Variants in CFAP91 observed in about 807,000 individuals in gnomAD.
CFAP91 encodes the protein cilia and flagella associated protein 91, also known as cilia- and flagella-associated protein 91.
CFAP91 carries 85 observed loss-of-function variants against 95.9 expected under a neutral mutation model. The observed-to-expected ratio is 0.89, with a 90% CI of 0.74 to 1.06. The LOEUF is 1.06. Among genes scored for constraint, CFAP91 ranks in the 50% least tolerant of loss-of-function variants. The pLI is 0.00. For synonymous variants in CFAP91, 335 were observed against 327.5 expected, an observed-to-expected ratio of 1.02 and a Z score of -0.25; for missense variants, 962 against 943.4, an observed-to-expected ratio of 1.02 and a Z score of -0.26.
chr3:119,742,522 C>T (rs1400130020), intron 13 of CFAP91, among the ~76,000 whole-genome samples: 1 of 152,206 alleles, frequency 6.6e-6, no homozygotes, highest in Non-Finnish European at 1.5e-5. Context: ...TAAACATGAA[C>T]AGGATTTCTA....
intron 17 of CFAP91, among the ~76,000 whole-genome samples, chr3:119,758,277 A>AT (rs2054471860): frequency 6.6e-6 from 1 of 152,156 alleles, no homozygotes; most frequent in Non-Finnish European, 1.5e-5. Context: ...ACTTGGTAAT[A>AT]TTTTTTAATG....
Position 119,703,146 on chromosome 3 carries a change from G to A in CFAP91, c.48G>A (p.Val16=), listed in dbSNP as rs2053287401. ...AGGAGCCCCAGGCCCAGCCGCAGGT[G>A]TCTCAAACTCGGTACCGGGAGAGGT... is the stretch of plus-strand genomic sequence containing the variant. ...TIEEPQAQPQ[V]SQTRYRERSR... is the part of the protein sequence containing the mutation. The change falls in exon 1 of 18, where the codon GTG becomes GTA. Residue 16 remains valine (V), a synonymous_variant. Coordinates refer to ENST00000273390, the MANE Select transcript of CFAP91 (RefSeq NM_033364.4). 10 of 1,593,760 alleles carry A rather than the reference G, an allele frequency of 6.3e-6. No homozygotes were observed. In the East Asian group the frequency reaches 2.3e-4, roughly 36 times the overall value.
intron 10 of CFAP91, among the ~76,000 whole-genome samples, chr3:119,734,704 A>G (rs2053967473): frequency 6.6e-6 from 1 of 152,172 alleles, no homozygotes. Flanking sequence ...TTTTGCTTCT[A>G]CATTCATGAG....
intron 3 of CFAP91, among the ~76,000 whole-genome samples, chr3:119,707,808 G>T (rs75921832): frequency 6.6e-6 from 1 of 150,490 alleles, no homozygotes; most frequent in African/African-American, 2.4e-5. Flanking sequence ...TGAGTTTGTT[G>T]TTGCTTGGAT....
chr3:119,708,881 G>A (rs1365502274), intron 4 of CFAP91, among the ~76,000 whole-genome samples: 2 of 152,176 alleles, frequency 1.3e-5, no homozygotes, highest in African/African-American at 2.4e-5. Flanking sequence ...AGCTGAGACC[G>A]AGAGATGATA....
At chr3:119,751,219 TC>T in intron 17 of CFAP91, 121 bp downstream of exon 17, 1 of 1,112,672 alleles carries the variant, frequency 9.0e-7, no homozygotes, top group Non-Finnish European at 1.2e-6. Context: ...ATGGAGGACT[TC>T]CACTTAAATT....
At chr3:119,710,240 T>G (rs1577197788) in intron 5 of CFAP91, 1 of 181,722 alleles carries the variant, frequency 5.5e-6, no homozygotes, top group Non-Finnish European at 1.1e-5. Context: ...ATTAACAGAT[T>G]GGGTGATATA....
chr3:119,743,791 G>A (rs552520509), intron 13 of CFAP91, among the ~76,000 whole-genome samples, 184 bp from the exon 14 acceptor site: 3 of 152,288 alleles, frequency 2.0e-5, no homozygotes, highest in South Asian at 4.1e-4. Context: ...CGACTTTCTC[G>A]TGCCTCAGTT....
intron 9 of CFAP91, among the ~76,000 whole-genome samples, 154 bp downstream of exon 9, chr3:119,732,630 C>T (rs2053924889): frequency 1.3e-5 from 2 of 151,878 alleles, no homozygotes; most frequent in Admixed American, 1.3e-4. Flanking sequence ...CTACTAAGAC[C>T]CAAATAAATA....
chr3:119,760,271 A>G (rs1420685780), intron 17 of CFAP91, among the ~76,000 whole-genome samples: 1 of 151,922 alleles, frequency 6.6e-6, no homozygotes, highest in Non-Finnish European at 1.5e-5. Context: ...TAAGTAAAAA[A>G]CTATAAAATG....
intron 17 of CFAP91, among the ~76,000 whole-genome samples, chr3:119,763,185 G>C (rs2054569691): frequency 6.6e-6 from 1 of 151,808 alleles, no homozygotes; most frequent in African/African-American, 2.4e-5. Flanking sequence ...CTCAAAAGAA[G>C]ACACATACAA....
chr3:119,728,800 A>G (rs2053836065), intron 7 of CFAP91, among the ~76,000 whole-genome samples: 1 of 152,064 alleles, frequency 6.6e-6, no homozygotes, highest in Admixed American at 6.6e-5. Flanking sequence ...CAGCTCCTCT[A>G]AGGAAGGCTT....
At chr3:119,726,115 T>C in intron 6 of CFAP91, 56 bp from the exon 7 acceptor site, 1 of 1,462,628 alleles carries the variant, frequency 6.8e-7, no homozygotes, top group Admixed American at 2.2e-5. Flanking sequence ...AATTATATAC[T>C]GGGGGGTGCA....
At chr3:119,754,872 T>C (rs9289134) in intron 17 of CFAP91, among the ~76,000 whole-genome samples, 54,070 of 152,090 alleles carry the variant, frequency 0.36, 12,658 homozygotes, top group African/African-American at 0.67. Flanking sequence ...GGGAATGATG[T>C]TGCCACCCCA....
rs919264195 is a variant in CFAP91, at chr3:119,766,065, C to T, written c.*1015C>T. The T allele has an allele frequency of 6.6e-6, 1 of 152,084 alleles. No homozygotes were observed. The highest frequency in any genetic ancestry group is 1.5e-5 in the Non-Finnish European group (1 of 68,006). The allele number at this position is 152,084 out of a possible 1,614,324, so 9.4% of individuals were successfully genotyped here. A position where few individuals can be genotyped will look rare whatever the true frequency, so the allele number is the denominator to read the frequency against. On this transcript the variant is annotated 3_prime_UTR_variant, in exon 18 of 18. Transcript: ENST00000273390. ...GGAAAAATATAAAAAGATTTAAAATCCAGCAACAAAATTTACACATTCATT... is the reference window on the plus strand; with the variant it reads ...GGAAAAATATAAAAAGATTTAAAATTCAGCAACAAAATTTACACATTCATT...
intron 6 of CFAP91, among the ~76,000 whole-genome samples, chr3:119,722,687 G>T (rs1266599564): frequency 6.6e-6 from 1 of 151,980 alleles, no homozygotes. Context: ...TGGAGATGGG[G>T]TTTCATTATG....
chr3:119,707,564 A>T lies in CFAP91; in HGVS notation c.359+3A>T. The T allele has an allele frequency of 6.4e-7, 1 of 1,559,456 alleles. No homozygotes were observed. ...GAAGCCCTCCGGCAGCTCACCACGT[A>T]AGTGTCGGGTGGCTCCAGGGCCTAA... On this transcript the variant is annotated splice_donor_region_variant and intron_variant, in intron 3 of 17. Transcript: ENST00000273390.
Position 119,725,322 on chromosome 3 carries a change from C to T in CFAP91, c.683-849C>T, listed in dbSNP as rs1344064674. Among the ~76,000 whole-genome samples the T allele has an allele frequency of 2.0e-5, 3 of 152,232 alleles. No homozygotes were observed. The East Asian group carries it at 5.8e-4, about 29-fold the overall frequency. ...CATATCCAGTGGCCACATCCTCCTG[C>T]CTGACCTACAGGTATTGTGTCTTTG... On this transcript the variant is annotated intron_variant, in intron 6 of 17. Transcript: ENST00000273390.
intron 6 of CFAP91, 45 bp from the exon 7 acceptor site, chr3:119,726,126 T>G (rs756942400): frequency 6.5e-7 from 1 of 1,532,276 alleles, no homozygotes; most frequent in South Asian, 1.3e-5. Flanking sequence ...GGGGGGTGCA[T>G]GGGTCAGCTC....
Sources: allele counts gnomAD v4.1 joint callset (sites outside exome capture counted in the v4.1 genomes callset), GRCh38; gene constraint gnomAD v4.1.1; transcripts MANE v1.5; gene names NCBI Gene and HGNC (gene_info 2026-07-23, HGNC 2026-07-21).